The following WDFY1 variants were observed in gnomAD, a reference collection of about 807,000 sequenced individuals.
WDFY1 encodes WD repeat and FYVE domain containing 1.
In WDFY1, 32 loss-of-function variants were observed where a neutral mutation model predicts 56.4. The observed-to-expected ratio is 0.57, with a 90% CI of 0.43 to 0.76. The LOEUF is 0.76. WDFY1 is among the 30% of genes least tolerant of loss of function. WDFY1 has a pLI of 0.00. For missense variants in WDFY1, 480 were observed against 545.7 expected, an observed-to-expected ratio of 0.88 and a Z score of 1.20; for synonymous variants, 192 against 197.3, an observed-to-expected ratio of 0.97 and a Z score of 0.23.
chr2:223,910,633 C>A (rs1395249350), intron 3 of WDFY1, among the ~76,000 whole-genome samples: 1 of 151,982 alleles, frequency 6.6e-6, no homozygotes, highest in Non-Finnish European at 1.5e-5. Context: ...AAATGACCAA[C>A]AAGTACCTAA....
intron 6 of WDFY1, among the ~76,000 whole-genome samples, chr2:223,897,041 G>A (rs975840872): frequency 6.6e-6 from 1 of 152,064 alleles, no homozygotes; most frequent in Non-Finnish European, 1.5e-5. Context: ...ATTTTAACTT[G>A]CTGTTCTCTT....
At chr2:223,914,904 T>C (rs553500114) in intron 2 of WDFY1, among the ~76,000 whole-genome samples, 70 of 152,274 alleles carry the variant, frequency 4.6e-4, no homozygotes, top group African/African-American at 1.6e-3. Context: ...TAGAACACAA[T>C]TGGACTGCAT....
At chr2:223,937,158 G>A (rs1694178821) in intron 1 of WDFY1, among the ~76,000 whole-genome samples, 1 of 152,188 alleles carries the variant, frequency 6.6e-6, no homozygotes, top group Non-Finnish European at 1.5e-5. Context: ...TGGAAATAAA[G>A]AAAAGGCATG....
intron 1 of WDFY1, among the ~76,000 whole-genome samples, chr2:223,918,545 G>A (rs1693832942): frequency 6.6e-6 from 1 of 151,838 alleles, no homozygotes; most frequent in Admixed American, 6.6e-5. Flanking sequence ...GCAGAAGAAT[G>A]GCATGAACCC....
At chr2:223,917,095 T>C (rs1693800570) in intron 2 of WDFY1, among the ~76,000 whole-genome samples, 1 of 152,206 alleles carries the variant, frequency 6.6e-6, no homozygotes, top group Non-Finnish European at 1.5e-5. Flanking sequence ...ATTACGGGCA[T>C]GAGCCACCAA....
rs116662178 is a variant in WDFY1 at position 223,902,943 on chromosome 2, T to C, written c.335-1610A>G. The stretch of plus-strand genomic sequence containing the variant: ...TTTGTGGTAAAGATGCTGTAGTGAA[T>C]AGTCAACTATTTTTTCCTGGGAAGA... On this transcript the variant is annotated intron_variant, in intron 4 of 11. Transcript: ENST00000233055. Among the ~76,000 whole-genome samples the C allele has an allele frequency of 2.3e-3, 351 of 152,240 alleles. 1 individual carries two copies. The highest frequency in any genetic ancestry group is 8.4e-3 in the African/African-American group (349 of 41,554).
At chr2:223,884,163 A>C (rs1693130393) in intron 9 of WDFY1, among the ~76,000 whole-genome samples, 1 of 152,196 alleles carries the variant, frequency 6.6e-6, no homozygotes, top group Admixed American at 6.5e-5. Flanking sequence ...CAGTACTCAA[A>C]ACATGCTTAA....
chr2:223,888,901 CTTT>C (rs71058955), intron 8 of WDFY1, among the ~76,000 whole-genome samples: 10 of 61,422 alleles, frequency 1.6e-4, no homozygotes, highest in East Asian at 3.9e-4. Context: ...ATTCTCAACT[CTTT>C]TTTTTTTTTT....
intron 1 of WDFY1, among the ~76,000 whole-genome samples, chr2:223,941,358 TTGCTCTGGTCACTTAGAAATAGC>T (rs2106106709): frequency 6.6e-6 from 1 of 152,296 alleles, no homozygotes; most frequent in South Asian, 2.1e-4. Context: ...TGCCCACCTT[TTGCTCTGGTCACTTAGAAATAGC>T]TATGGTTCTT....
At chr2:223,882,140 A>C in intron 9 of WDFY1, 68 bp from the exon 10 acceptor site, 1 of 1,540,786 alleles carries the variant, frequency 6.5e-7, no homozygotes, top group Non-Finnish European at 8.8e-7. Flanking sequence ...TTTGAGACAG[A>C]GTCTCACTCT....
At chr2:223,881,083 G>C (rs1337938826) in intron 10 of WDFY1, among the ~76,000 whole-genome samples, 1 of 152,224 alleles carries the variant, frequency 6.6e-6, no homozygotes, top group Non-Finnish European at 1.5e-5. Flanking sequence ...AGAAAATAGT[G>C]GTTCTGTCCT....
At chr2:223,893,952 A>G (rs1693319411) in intron 8 of WDFY1, among the ~76,000 whole-genome samples, 1 of 152,228 alleles carries the variant, frequency 6.6e-6, no homozygotes. Context: ...TATGCCAGAA[A>G]TCTGTCTCAA....
chr2:223,886,816 A>T (rs1002935242), intron 8 of WDFY1, among the ~76,000 whole-genome samples: 1 of 150,846 alleles, frequency 6.6e-6, no homozygotes, highest in Non-Finnish European at 1.5e-5. Context: ...TATTTTTTCT[A>T]AAATATATAT....
intron 4 of WDFY1, among the ~76,000 whole-genome samples, chr2:223,901,736 A>G (rs1693511034): frequency 6.6e-6 from 1 of 152,024 alleles, no homozygotes; most frequent in African/African-American, 2.4e-5. Context: ...GCAATGTTTT[A>G]ATCGTCTGTA....
intron 1 of WDFY1, among the ~76,000 whole-genome samples, chr2:223,937,164 G>C (rs57906885): frequency 1.3e-5 from 2 of 152,130 alleles, no homozygotes; most frequent in Non-Finnish European, 2.9e-5. Flanking sequence ...TAAAGAAAAG[G>C]CATGACTCAA....
At chr2:223,931,440 G>T in intron 1 of WDFY1, among the ~76,000 whole-genome samples, 1 of 152,180 alleles carries the variant, frequency 6.6e-6, no homozygotes. Context: ...TCTGCTGAAA[G>T]ATATGCCTGA....
At chr2:223,926,771 G>A (rs865995862) in intron 1 of WDFY1, among the ~76,000 whole-genome samples, 4 of 152,172 alleles carry the variant, frequency 2.6e-5, no homozygotes, top group South Asian at 4.1e-4. Context: ...AGGCTCAAGC[G>A]ATTCTCATGC....
At position 223,876,069 on chromosome 2, in the gene WDFY1, T is replaced by C. The variant is rs1486487831; in HGVS notation, c.*2602A>G. 1 of 152,396 alleles carries C rather than the reference T, an allele frequency of 6.6e-6. No individual in the cohort carries two copies. Among genetic ancestry groups the C allele is most frequent in the African/African-American group, 2.4e-5 (1 of 41,468 alleles). 9.4% of individuals were successfully genotyped at this position (152,396 alleles called of 1,614,324 possible). ...TACGATGTAATGAATAATTTGTTTC[T>C]ACCTAATGCTATAGGGGTATTGCTA... On this transcript the variant is annotated 3_prime_UTR_variant, in exon 12 of 12. Coordinates refer to ENST00000233055, the MANE Select transcript of WDFY1 (RefSeq NM_020830.5).
At position 223,945,081 on chromosome 2, in the gene WDFY1, G is replaced by A. The variant is rs1309275659; in HGVS notation, c.137+67C>T. Reference sequence around the variant, plus strand: ...CTCACGCAGGAAGGACCGGGGCCGCGGACCCCACCGCCCCCACACCCCGTC... The same window carrying A: ...CTCACGCAGGAAGGACCGGGGCCGCAGACCCCACCGCCCCCACACCCCGTC... On this transcript the variant is annotated intron_variant, in intron 1 of 11. Transcript: ENST00000233055. 3 of 1,488,458 alleles carry A rather than the reference G, an allele frequency of 2.0e-6. No individual in the cohort carries two copies. In the Admixed American group the frequency reaches 6.5e-5, roughly 32 times the overall value. 92.2% of individuals were successfully genotyped at this position (1,488,458 alleles called of 1,614,324 possible). A position where few individuals can be genotyped will look rare whatever the true frequency, so the allele number is the denominator to read the frequency against.
Sources: gnomAD v4.1 joint callset for allele counts (sites outside exome capture counted in the v4.1 genomes callset) on GRCh38, gnomAD v4.1.1 for gene constraint, MANE v1.5 for transcripts, NCBI Gene and HGNC (gene_info 2026-07-23, HGNC 2026-07-21) for gene names.